The following FRYL variants were observed in gnomAD, a reference collection of about 807,000 sequenced individuals.
FRYL encodes protein furry homolog-like.
A neutral mutation model predicts 351.2 loss-of-function variants in FRYL; 150 were observed. The observed-to-expected ratio is 0.43, with a 90% CI of 0.37 to 0.49. FRYL has a LOEUF of 0.49. Among genes scored for constraint, FRYL ranks in the 20% least tolerant of loss-of-function variants. FRYL has a pLI of 0.00. For synonymous variants in FRYL, 1,153 were observed against 1,257.1 expected (o/e 0.92, Z 1.75); for missense variants, 3,036 against 3,619.3 (o/e 0.84, Z 4.13).
intron 13 of FRYL, 132 bp from the exon 14 acceptor site, chr4:48,596,132 A>G (rs1744534685): frequency 1.6e-6 from 1 of 618,348 alleles, no homozygotes; most frequent in African/African-American, 1.9e-5. Context: ...TACCAGGTAC[A>G]TATTTGGTAT....
At chr4:48,728,462 A>T (rs1770331211) in intron 1 of FRYL, among the ~76,000 whole-genome samples, 1 of 152,180 alleles carries the variant, frequency 6.6e-6, no homozygotes, top group African/African-American at 2.4e-5. Flanking sequence ...AGAAATACTT[A>T]AAATAATAAT....
At chr4:48,778,033 C>CA (rs1289466488) in intron 1 of FRYL, among the ~76,000 whole-genome samples, 4 of 152,192 alleles carry the variant, frequency 2.6e-5, no homozygotes, top group African/African-American at 9.6e-5. Context: ...ACCATCTCTA[C>CA]AAAAAATAAA....
At chr4:48,670,842 A>C (rs1268847975) in intron 3 of FRYL, among the ~76,000 whole-genome samples, 1 of 152,084 alleles carries the variant, frequency 6.6e-6, no homozygotes, top group African/African-American at 2.4e-5. Context: ...TTATCCATTA[A>C]TCTGTTGGTG....
At chr4:48,547,801 A>G (rs1023312009) in intron 40 of FRYL, 32 bp from the exon 41 acceptor site, 4 of 1,327,560 alleles carry the variant, frequency 3.0e-6, no homozygotes, top group Non-Finnish European at 4.0e-6. Flanking sequence ...CATTATCAAT[A>G]AAGAGAAATA....
rs566710076 is a variant in FRYL, at chr4:48,567,201, A to G, written c.3169+47T>C. On this transcript the variant is annotated intron_variant, in intron 28 of 63. Transcript: ENST00000358350. This position sits in a 1 kb window ranked among gnomAD's most constrained non-coding sequence, Gnocchi z 4.2. Reference sequence around the variant, plus strand: ...AAACCTCAAGGAAAGAAAAAATATGACGGTTCCTTAATACTCAATAATGCT... The same window carrying G: ...AAACCTCAAGGAAAGAAAAAATATGGCGGTTCCTTAATACTCAATAATGCT... 30 of 1,464,246 alleles carry G rather than the reference A, an allele frequency of 2.0e-5. 1 individual carries two copies. The South Asian group carries it at 3.6e-4, about 18-fold the overall frequency. 90.7% of individuals were successfully genotyped at this position (1,464,246 alleles called of 1,614,324 possible).
At chr4:48,729,230 A>T (rs1277274823) in intron 1 of FRYL, among the ~76,000 whole-genome samples, 2 of 152,206 alleles carry the variant, frequency 1.3e-5, no homozygotes, top group African/African-American at 4.8e-5. Flanking sequence ...CAAAGTGGCA[A>T]GGAAGCTCCA....
At chr4:48,701,729 C>T (rs1028896729) in intron 2 of FRYL, among the ~76,000 whole-genome samples, 7 of 152,156 alleles carry the variant, frequency 4.6e-5, no homozygotes, top group African/African-American at 1.4e-4. Flanking sequence ...GTCAGCTAAG[C>T]GGACAATGAG....
chr4:48,778,213 T>C (rs1776229250), intron 1 of FRYL, among the ~76,000 whole-genome samples: 1 of 152,158 alleles, frequency 6.6e-6, no homozygotes, highest in African/African-American at 2.4e-5. Flanking sequence ...GCTTCCAATT[T>C]CCCAAGTAGT....
chr4:48,719,550 C>T (rs954363782), intron 1 of FRYL, among the ~76,000 whole-genome samples: 1 of 151,620 alleles, frequency 6.6e-6, no homozygotes, highest in African/African-American at 2.4e-5. Context: ...TACTCTTGTT[C>T]ACTAAAGACA....
chr4:48,759,023 T>C lies in FRYL; in HGVS notation c.-384+21055A>G, dbSNP rs562075833. ...GCATGTTCTCACACACAGGTGGGAATTGAAGAATGAGAACACCGGGACACA... is the reference window on the plus strand; with the variant it reads ...GCATGTTCTCACACACAGGTGGGAACTGAAGAATGAGAACACCGGGACACA... On this transcript the variant is annotated intron_variant, in intron 1 of 63. Transcript: ENST00000358350. 5.3e-5 allele frequency among the ~76,000 whole-genome samples: 8 copies of C among 152,090 alleles called. No homozygotes were observed. In the South Asian group the frequency reaches 1.5e-3, roughly 28 times the overall value.
In FRYL at chr4:48,645,154, A is replaced by ATATATATATATATATATATATATATATC. The variant is rs1373290711; in HGVS notation, c.-80-10665_-80-10664insGATATATATATATATATATATATATATA. On this transcript the variant is annotated intron_variant, in intron 3 of 63. Coordinates refer to ENST00000358350, the MANE Select transcript of FRYL (RefSeq NM_015030.2). The stretch of plus-strand genomic sequence containing the variant: ...TATATATATATATATATATATATAT[A>ATATATATATATATATATATATATATATC]TCAGACTGGCAAATACTAAAAAGAA... Among the ~76,000 whole-genome samples, 142 of 122,894 alleles carry ATATATATATATATATATATATATATATC rather than the reference A, an allele frequency of 1.2e-3. 3 individuals carry two copies. The highest frequency in any genetic ancestry group is 8.8e-3 in the Middle Eastern group (2 of 226). The allele number at this position is 122,894 out of a possible 152,430, so 80.6% of individuals were successfully genotyped here.
rs144364710 is a variant in FRYL, at chr4:48,675,185, C to T, written c.-81+9488G>A. On this transcript the variant is annotated intron_variant, in intron 3 of 63. Transcript: ENST00000358350. Reference sequence around the variant, plus strand: ...GAGAGGTGACAGCGCGCTGGCAGTCCTCAGAGCCCTCGCTTGCTCTCGGCA... The same window carrying T: ...GAGAGGTGACAGCGCGCTGGCAGTCTTCAGAGCCCTCGCTTGCTCTCGGCA... Among the ~76,000 whole-genome samples the T allele has an allele frequency of 4.6e-3, 702 of 152,342 alleles. 4 individuals are homozygous for T. The highest frequency in any genetic ancestry group is 0.016 in the African/African-American group (663 of 41,578).
chr4:48,675,561 C>T (rs557701513), intron 3 of FRYL, among the ~76,000 whole-genome samples: 58 of 152,372 alleles, frequency 3.8e-4, no homozygotes, highest in African/African-American at 1.3e-3. Context: ...TCTCACCGAG[C>T]CTTAGCTGCC....
At chr4:48,734,707 T>C (rs1199146572) in intron 1 of FRYL, among the ~76,000 whole-genome samples, 3 of 152,308 alleles carry the variant, frequency 2.0e-5, no homozygotes, top group Non-Finnish European at 2.9e-5. Flanking sequence ...CCATCTTGAA[T>C]TGATTTTTGT....
chr4:48,645,124 T>TTATATATATATATATATATATA lies in FRYL; in HGVS notation c.-80-10656_-80-10635dup, dbSNP rs36223183. On this transcript the variant is annotated intron_variant, in intron 3 of 63. Transcript: ENST00000358350. ...ATTAAACCAGCAGTGAGCTTTCATT[T>TTATATATATATATATATATATA]TATATATATATATATATATATATAT... 4.3e-3 allele frequency among the ~76,000 whole-genome samples: 456 copies of TTATATATATATATATATATATA among 105,238 alleles called. 16 individuals carry two copies. The highest frequency in any genetic ancestry group is 5.3e-3 in the Admixed American group (43 of 8,128). The allele number at this position is 105,238 out of a possible 152,430, so 69.0% of individuals were successfully genotyped here.
At chr4:48,650,202 T>C (rs33995099) in intron 3 of FRYL, among the ~76,000 whole-genome samples, 1 of 152,064 alleles carries the variant, frequency 6.6e-6, no homozygotes, top group Non-Finnish European at 1.5e-5. Flanking sequence ...GAGACATCAG[T>C]AGCATAATAT....
intron 45 of FRYL, 59 bp downstream of exon 45, chr4:48,541,968 T>C: frequency 9.0e-7 from 1 of 1,106,854 alleles, no homozygotes; most frequent in East Asian, 2.3e-5. Context: ...AAGTTATAGC[T>C]ATATGTAGTT....
chr4:48,540,397 A>C lies in FRYL; in HGVS notation c.6251T>G (p.Ile2084Ser). Residue 2084 changes from isoleucine to serine, a missense_variant, in exon 46 of 64, where the codon ATT (isoleucine) becomes AGT (serine). By Grantham distance (142) the Ile-to-Ser change is moderately radical. Coordinates refer to ENST00000358350, the MANE Select transcript of FRYL (RefSeq NM_015030.2). ...CACCAATGTATGTTTGGAGACAGAA[A>C]TGAGTTTACTGAGGAGGTGCACGGT... Reference protein sequence around the residue: ...EMTVHLLSKLISVSKHTLVDP... With the variant: ...EMTVHLLSKLSSVSKHTLVDP... 2 of 1,613,964 alleles carry C rather than the reference A, an allele frequency of 1.2e-6. No homozygotes were observed. Among genetic ancestry groups the C allele is most frequent in the Non-Finnish European group, 1.7e-6 (2 of 1,179,870 alleles).
intron 3 of FRYL, among the ~76,000 whole-genome samples, chr4:48,677,793 T>C (rs1763963442): frequency 6.6e-6 from 1 of 152,268 alleles, no homozygotes; most frequent in Non-Finnish European, 1.5e-5. Flanking sequence ...TGAGATTACA[T>C]GCCATTTTTT....
Sources: allele counts gnomAD v4.1 joint callset (sites outside exome capture counted in the v4.1 genomes callset), GRCh38; gene constraint gnomAD v4.1.1; non-coding constraint Gnocchi (gnomAD v3.1); transcripts MANE v1.5; gene names NCBI Gene and HGNC (gene_info 2026-07-23, HGNC 2026-07-21).